Variants in FER observed in about 807,000 individuals in gnomAD.
The protein encoded by FER is tyrosine-protein kinase Fer.
Under a neutral mutation model 111.0 loss-of-function variants are expected in FER, and 63 were observed. The ratio of observed to expected loss-of-function variants is 0.57; its 90% CI spans 0.46 to 0.70. FER has a LOEUF of 0.70. Among genes scored for constraint, FER ranks in the 30% least tolerant of loss-of-function variants. FER has a pLI of 0.00. For missense variants in FER, 914 were observed against 954.0 expected (o/e 0.96, Z 0.55); for synonymous variants, 327 against 313.9 (o/e 1.04, Z -0.44).
intron 13 of FER, among the ~76,000 whole-genome samples, chr5:108,980,295 A>G (rs546705903): frequency 1.3e-5 from 2 of 152,254 alleles, no homozygotes; most frequent in South Asian, 2.1e-4. Context: ...AGGAGAGAGT[A>G]AAAAAGCAAG....
chr5:108,796,179 T>C (rs1755995151), intron 2 of FER, among the ~76,000 whole-genome samples: 1 of 152,206 alleles, frequency 6.6e-6, no homozygotes, highest in African/African-American at 2.4e-5. Context: ...ATTCTCTACA[T>C]TACCAGCAGA....
chr5:108,999,323 T>C (rs1203488546), intron 13 of FER, among the ~76,000 whole-genome samples: 3 of 152,188 alleles, frequency 2.0e-5, no homozygotes, highest in African/African-American at 7.2e-5. Context: ...TACTGAACAT[T>C]TAAAAAATTA....
At chr5:109,152,581 A>G (rs1036928187) in intron 17 of FER, among the ~76,000 whole-genome samples, 6 of 152,038 alleles carry the variant, frequency 3.9e-5, no homozygotes, top group African/African-American at 1.4e-4. Context: ...AGGTCAACAT[A>G]TGTCTCTGAT....
intron 14 of FER, among the ~76,000 whole-genome samples, chr5:109,040,018 A>G (rs1172214174): frequency 6.6e-6 from 1 of 152,090 alleles, no homozygotes; most frequent in African/African-American, 2.4e-5. Context: ...GTACTTTTGA[A>G]ATTGAACCAA....
intron 17 of FER, among the ~76,000 whole-genome samples, chr5:109,155,179 G>A (rs1305530304): frequency 6.6e-6 from 1 of 151,758 alleles, no homozygotes; most frequent in Non-Finnish European, 1.5e-5. Context: ...CATGTGCTCG[G>A]GAATGAAGAA....
chr5:108,852,143 C>T (rs1762599449), intron 5 of FER, among the ~76,000 whole-genome samples: 1 of 152,176 alleles, frequency 6.6e-6, no homozygotes, highest in Admixed American at 6.5e-5. Flanking sequence ...AAGAGGATTA[C>T]CTACTGCTAG....
chr5:109,124,547 T>A (rs1182114701), intron 17 of FER, among the ~76,000 whole-genome samples: 1 of 152,104 alleles, frequency 6.6e-6, no homozygotes, highest in African/African-American at 2.4e-5. Flanking sequence ...AGCTTTATAA[T>A]TGTTTGTCAT....
chr5:108,840,508 C>T (rs1395292977), intron 5 of FER, among the ~76,000 whole-genome samples: 2 of 151,836 alleles, frequency 1.3e-5, no homozygotes, highest in African/African-American at 4.8e-5. Flanking sequence ...TAGAACAGTC[C>T]TCCTACTTTT....
At chr5:109,063,902 A>G (rs1774761260) in intron 16 of FER, among the ~76,000 whole-genome samples, 1 of 152,190 alleles carries the variant, frequency 6.6e-6, no homozygotes, top group Non-Finnish European at 1.5e-5. Flanking sequence ...CTGATGTTAT[A>G]TCTAAACCTA....
At chr5:109,109,912 C>A (rs1481534539) in intron 17 of FER, among the ~76,000 whole-genome samples, 1 of 152,080 alleles carries the variant, frequency 6.6e-6, no homozygotes, top group Admixed American at 6.6e-5. Context: ...ACTTATACAT[C>A]TATGTAGGTT....
At chr5:108,971,274 A>G (rs982285994) in intron 13 of FER, among the ~76,000 whole-genome samples, 3 of 110,094 alleles carry the variant, frequency 2.7e-5, no homozygotes, top group Non-Finnish European at 5.3e-5. Context: ...ACCTGTCTCA[A>G]AAAAAAAAAA....
intron 5 of FER, among the ~76,000 whole-genome samples, chr5:108,844,046 A>G (rs1057094499): frequency 2.0e-5 from 2 of 98,902 alleles, no homozygotes; most frequent in African/African-American, 8.4e-5. Context: ...GTGAACATAT[A>G]TATGTGTGTG....
chr5:109,160,720 T>A (rs1755900340), intron 17 of FER, among the ~76,000 whole-genome samples: 1 of 152,136 alleles, frequency 6.6e-6, no homozygotes, highest in Non-Finnish European at 1.5e-5. Flanking sequence ...CTTCTCTGAG[T>A]CTGTTTTTGT....
intron 5 of FER, among the ~76,000 whole-genome samples, chr5:108,859,585 C>T (rs1197041411): frequency 6.6e-6 from 1 of 152,112 alleles, no homozygotes; most frequent in Non-Finnish European, 1.5e-5. Flanking sequence ...CAGAATTATG[C>T]TGCTGCCATA....
At position 108,886,888 on chromosome 5, in the gene FER, G is replaced by T. The variant is rs1747254755; in HGVS notation, c.1046+3370G>T. ...CATTGGTAGGGTTAAGTTTGCCTTT[G>T]AATTATATGTTAACATATTTTGCTA... On this transcript the variant is annotated intron_variant, in intron 9 of 19. Transcript: ENST00000281092. Among the ~76,000 whole-genome samples the T allele has an allele frequency of 2.0e-5, 3 of 151,648 alleles. No individual in the cohort carries two copies. The South Asian group carries it at 6.2e-4, about 31-fold the overall frequency.
chr5:108,771,491 TCTGTGAC>T (rs1752895122), intron 2 of FER, among the ~76,000 whole-genome samples: 1 of 152,144 alleles, frequency 6.6e-6, no homozygotes. Context: ...CTAGAGAGGT[TCTGTGAC>T]CTGCCCAAGA....
At chr5:109,003,517 A>G (rs1347293092) in intron 13 of FER, among the ~76,000 whole-genome samples, 2 of 152,184 alleles carry the variant, frequency 1.3e-5, no homozygotes, top group African/African-American at 4.8e-5. Flanking sequence ...CCTAATGCTA[A>G]ATGACGAGTT....
intron 14 of FER, 80 bp downstream of exon 14, chr5:109,037,558 G>C (rs1770574314): frequency 8.6e-7 from 1 of 1,167,484 alleles, no homozygotes; most frequent in African/African-American, 1.5e-5. Flanking sequence ...TTTCCTCAAA[G>C]CTTTTCTTAT....
intron 16 of FER, among the ~76,000 whole-genome samples, chr5:109,057,655 A>G (rs1773818553): frequency 6.6e-6 from 1 of 152,160 alleles, no homozygotes; most frequent in Admixed American, 6.5e-5. Flanking sequence ...CCTTAAAGAT[A>G]CGAACTACCT....
Sources: allele counts gnomAD v4.1 joint callset (sites outside exome capture counted in the v4.1 genomes callset), GRCh38; gene constraint gnomAD v4.1.1; transcripts MANE v1.5; gene names NCBI Gene and HGNC (gene_info 2026-07-23, HGNC 2026-07-21).